NFIB: variants seen among roughly 807,000 people sequenced by gnomAD.
NFIB encodes nuclear factor 1 B-type.
In NFIB, 11 loss-of-function variants were observed where a neutral mutation model predicts 61.5. The ratio of observed to expected loss-of-function variants is 0.18; its 90% CI spans 0.11 to 0.30. The LOEUF (loss-of-function observed/expected upper bound fraction) is 0.30. Among genes scored for constraint, NFIB ranks in the 10% least tolerant of loss-of-function variants. The pLI is 1.00. For missense variants in NFIB, 471 were observed against 608.9 expected (o/e 0.77, Z 2.38); for synonymous variants, 260 against 216.5 (o/e 1.20, Z -1.76).
intron 2 of NFIB, among the ~76,000 whole-genome samples, chr9:14,181,023 G>A (rs1290615874): frequency 2.0e-5 from 3 of 152,164 alleles, no homozygotes; most frequent in African/African-American, 7.2e-5. Flanking sequence ...TGGTTAAGCA[G>A]GAAAATCATA....
At chr9:14,342,354 C>G (rs59050655) in intron 1 of NFIB, among the ~76,000 whole-genome samples, 5 of 151,750 alleles carry the variant, frequency 3.3e-5, no homozygotes, top group Admixed American at 3.3e-4. Context: ...GAACTGAAAA[C>G]TGGGGCAAGT....
At position 14,083,158 on chromosome 9, in the gene NFIB, T is replaced by C. The variant is rs2032293548; in HGVS notation, c.*5151A>G. The stretch of plus-strand genomic sequence containing the variant: ...AAAATTGCAACAAAAAATGTAAAAA[T>C]TGACCGTCTCCAACTTGTCCCCTTT... On this transcript the variant is annotated 3_prime_UTR_variant, in exon 11 of 11. Coordinates refer to ENST00000380953, the MANE Select transcript of NFIB (RefSeq NM_001190737.2). The C allele has an allele frequency of 4.6e-6, 1 of 218,590 alleles. No homozygotes were observed. Among genetic ancestry groups the C allele is most frequent in the African/African-American group, 2.3e-5 (1 of 44,140 alleles). The allele number at this position is 218,590 out of a possible 1,614,324, so 13.5% of individuals were successfully genotyped here.
the NFIB span, among the ~76,000 whole-genome samples, chr9:14,412,535 C>A: frequency 6.6e-6 from 1 of 152,316 alleles, no homozygotes; most frequent in African/African-American, 2.4e-5. Context: ...CTGCGACTGG[C>A]CTCCCTACAA....
At chr9:14,498,865 T>C in the NFIB span, among the ~76,000 whole-genome samples, 251 of 148,940 alleles carry the variant, frequency 1.7e-3, no homozygotes, top group Non-Finnish European at 2.8e-3. Flanking sequence ...GCTTTCTTAG[T>C]ACACATTTAC....
At chr9:14,195,015 T>C (rs2048326120) in intron 2 of NFIB, among the ~76,000 whole-genome samples, 1 of 152,136 alleles carries the variant, frequency 6.6e-6, no homozygotes. Flanking sequence ...CACAATGTTC[T>C]ATACCTGACC....
chr9:14,427,933 A>ATTTTTTT, the NFIB span, among the ~76,000 whole-genome samples: 1 of 29,534 alleles, frequency 3.4e-5, no homozygotes, highest in African/African-American at 9.2e-5. Context: ...TCTTTAATTC[A>ATTTTTTT]GTTGTTTTTT....
the NFIB span, among the ~76,000 whole-genome samples, chr9:14,439,566 C>T: frequency 9.3e-3 from 1,416 of 152,280 alleles, 19 homozygotes; most frequent in African/African-American, 0.031. Flanking sequence ...TTGGCCACCC[C>T]AGATGTGGGA....
chr9:14,193,223 T>G (rs909840185), intron 2 of NFIB, among the ~76,000 whole-genome samples: 1 of 151,822 alleles, frequency 6.6e-6, no homozygotes, highest in African/African-American at 2.4e-5. Context: ...CAAGTTTACT[T>G]CTTCTTTTTA....
intron 1 of NFIB, among the ~76,000 whole-genome samples, chr9:14,360,715 T>C: frequency 6.6e-6 from 1 of 152,000 alleles, no homozygotes; most frequent in East Asian, 1.9e-4. Flanking sequence ...CGGCTAATTT[T>C]TTGTATTTTT....
the NFIB span, among the ~76,000 whole-genome samples, chr9:14,498,988 TTGTGTGTA>T: frequency 6.6e-6 from 1 of 151,734 alleles, no homozygotes; most frequent in African/African-American, 2.4e-5. Flanking sequence ...TCATTGGCAA[TTGTGTGTA>T]TGTGTGTGTG....
intron 1 of NFIB, among the ~76,000 whole-genome samples, chr9:14,312,543 T>C (rs966845103): frequency 1.3e-5 from 2 of 152,208 alleles, no homozygotes; most frequent in Non-Finnish European, 2.9e-5. Context: ...GTTAGTTCCC[T>C]GGGCAGCGAT....
intron 6 of NFIB, among the ~76,000 whole-genome samples, chr9:14,128,012 T>C (rs958961859): frequency 6.6e-6 from 1 of 151,228 alleles, no homozygotes; most frequent in African/African-American, 2.4e-5. Flanking sequence ...GAAAAAAAAT[T>C]TAAACCATGG....
At chr9:14,132,638 G>C (rs550382975) in intron 6 of NFIB, among the ~76,000 whole-genome samples, 2 of 151,820 alleles carry the variant, frequency 1.3e-5, no homozygotes, top group East Asian at 3.9e-4. Flanking sequence ...CACAATCATG[G>C]CTCACTGCAG....
At chr9:14,158,034 C>T (rs2043646446) in intron 3 of NFIB, among the ~76,000 whole-genome samples, 1 of 151,240 alleles carries the variant, frequency 6.6e-6, no homozygotes, top group African/African-American at 2.4e-5. Context: ...TCACTTGAAC[C>T]CGGAAGGCAG....
intron 6 of NFIB, 64 bp downstream of exon 6, chr9:14,146,625 C>A (rs149061570): frequency 1.2e-6 from 2 of 1,608,386 alleles, no homozygotes; most frequent in East Asian, 2.2e-5. Flanking sequence ...TTTGACTCAA[C>A]GAAACTTAAG....
chr9:14,219,900 A>T (rs1207072935), intron 2 of NFIB, among the ~76,000 whole-genome samples: 1 of 152,224 alleles, frequency 6.6e-6, no homozygotes, highest in Non-Finnish European at 1.5e-5. Flanking sequence ...CAGAATCTAC[A>T]CTGGGACTCT....
At chr9:14,507,001 C>G in the NFIB span, among the ~76,000 whole-genome samples, 1 of 152,030 alleles carries the variant, frequency 6.6e-6, no homozygotes, top group East Asian at 1.9e-4. Context: ...ACAGGCGACA[C>G]CATAAAGATT....
chr9:14,222,840 T>G (rs2051865349), intron 2 of NFIB, among the ~76,000 whole-genome samples: 1 of 149,706 alleles, frequency 6.7e-6, no homozygotes, highest in Non-Finnish European at 1.5e-5. Context: ...AAATCCGTAT[T>G]CCTTGCAGAC....
chr9:14,481,197 G>GTGTGTATATATATATATATATA, the NFIB span, among the ~76,000 whole-genome samples: 12 of 45,840 alleles, frequency 2.6e-4, no homozygotes, highest in South Asian at 2.0e-3. Flanking sequence ...GTGTGTGTGT[G>GTGTGTATATATATATATATATA]TATATATATA....
Sources: allele counts gnomAD v4.1 joint callset (sites outside exome capture counted in the v4.1 genomes callset), GRCh38; gene constraint gnomAD v4.1.1; transcripts MANE v1.5; gene names NCBI Gene and HGNC (gene_info 2026-07-23, HGNC 2026-07-21).